The following NEK7 variants were observed in gnomAD, a reference collection of about 807,000 sequenced individuals.
The protein encoded by NEK7 is serine/threonine-protein kinase Nek7.
Under a neutral mutation model 44.6 loss-of-function variants are expected in NEK7, and 18 were observed. The ratio of observed to expected loss-of-function variants is 0.40; its 90% confidence interval spans 0.28 to 0.60. The LOEUF is 0.60. Ranked by LOEUF, NEK7 falls within the 20% of genes least tolerant of loss-of-function variation. The probability of loss-of-function intolerance (pLI) is 0.38; values close to 1 mark genes in which losing one functional copy is unlikely to be tolerated. For synonymous variants in NEK7, 130 were observed against 121.1 expected (o/e 1.07, Z -0.48); for missense variants, 256 against 366.5 (o/e 0.70, Z 2.46).
intron 3 of NEK7, among the ~76,000 whole-genome samples, chr1:198,259,400 A>C (rs1246972090): frequency 2.6e-5 from 4 of 152,158 alleles, no homozygotes; most frequent in African/African-American, 9.7e-5. Context: ...AATTACTGGT[A>C]CTATATGGGC....
intron 2 of NEK7, among the ~76,000 whole-genome samples, chr1:198,233,466 G>A (rs1049654987): frequency 2.0e-5 from 3 of 152,092 alleles, no homozygotes; most frequent in Non-Finnish European, 2.9e-5. Flanking sequence ...ATATTTCTCA[G>A]CTTGGTGTTT....
chr1:198,212,220 A>G (rs948854581), intron 1 of NEK7, among the ~76,000 whole-genome samples: 3 of 152,086 alleles, frequency 2.0e-5, no homozygotes, highest in Non-Finnish European at 4.4e-5. Context: ...GTAACCGATG[A>G]GCAAACGAAA....
chr1:198,157,749 G>A (rs1663957963), intron 1 of NEK7, among the ~76,000 whole-genome samples: 1 of 152,212 alleles, frequency 6.6e-6, no homozygotes, highest in South Asian at 2.1e-4. Flanking sequence ...GAGAGTGGGT[G>A]GTGGGAGCCG....
chr1:198,229,132 T>C (rs534227415), intron 1 of NEK7, among the ~76,000 whole-genome samples: 2 of 152,248 alleles, frequency 1.3e-5, no homozygotes, highest in South Asian at 4.1e-4. Flanking sequence ...GATCATATCT[T>C]TTTTGTCCAG....
intron 2 of NEK7, among the ~76,000 whole-genome samples, chr1:198,247,465 T>G (rs1041681372): frequency 2.0e-5 from 3 of 152,142 alleles, no homozygotes; most frequent in Non-Finnish European, 4.4e-5. Flanking sequence ...AGAATTGAAT[T>G]TGATGGCATT....
chr1:198,272,787 A>G (rs1653895795), intron 5 of NEK7, among the ~76,000 whole-genome samples: 1 of 151,458 alleles, frequency 6.6e-6, no homozygotes, highest in South Asian at 2.1e-4. Context: ...TGATGCATTC[A>G]TGTGTTTTTA....
Position 198,251,726 on chromosome 1 carries a change from C to T in NEK7, c.58-1314C>T, listed in dbSNP as rs1299589911. The stretch of plus-strand genomic sequence containing the variant: ...TCTGTGGGATCGGTGGTGATATCCC[C>T]TTTATCATTTTTTATTGCGTCTATT... On this transcript the variant is annotated intron_variant, in intron 2 of 9. Coordinates refer to ENST00000367385, the MANE Select transcript of NEK7 (RefSeq NM_133494.3). 5.9e-5 allele frequency among the ~76,000 whole-genome samples: 9 copies of T among 151,864 alleles called. No individual in the cohort carries two copies. In the South Asian group the frequency reaches 1.7e-3, roughly 28 times the overall value.
chr1:198,314,409 G>A (rs995792462), intron 9 of NEK7, among the ~76,000 whole-genome samples: 3 of 152,092 alleles, frequency 2.0e-5, no homozygotes, highest in South Asian at 2.1e-4. Context: ...TAATTTGATC[G>A]TCTGAAGTCT....
At chr1:198,235,178 G>A (rs192248040) in intron 2 of NEK7, among the ~76,000 whole-genome samples, 16 of 152,228 alleles carry the variant, frequency 1.1e-4, no homozygotes, top group African/African-American at 2.9e-4. Flanking sequence ...CTGTTATAAT[G>A]ATAAGTGATG....
intron 9 of NEK7, among the ~76,000 whole-genome samples, chr1:198,312,279 G>A (rs1277659109): frequency 7.9e-5 from 12 of 150,998 alleles, no homozygotes; most frequent in African/African-American, 2.7e-4. Flanking sequence ...GGGATCGGTG[G>A]TGATATCCCC....
chr1:198,242,042 G>C (rs1336721579), intron 2 of NEK7, among the ~76,000 whole-genome samples: 1 of 152,084 alleles, frequency 6.6e-6, no homozygotes, highest in Non-Finnish European at 1.5e-5. Flanking sequence ...TCATCTGTGT[G>C]CTTCAGCCAA....
At chr1:198,188,829 G>A (rs1664989349) in intron 1 of NEK7, among the ~76,000 whole-genome samples, 1 of 152,046 alleles carries the variant, frequency 6.6e-6, no homozygotes. Flanking sequence ...ATCCTACTTG[G>A]TGAAGTAGGC....
intron 2 of NEK7, among the ~76,000 whole-genome samples, chr1:198,232,884 A>G (rs1666441089): frequency 6.6e-6 from 1 of 150,514 alleles, no homozygotes; most frequent in African/African-American, 2.4e-5. Flanking sequence ...TGTGTAATAT[A>G]TTATTTATTT....
intron 3 of NEK7, among the ~76,000 whole-genome samples, chr1:198,261,409 G>A (rs1209506075): frequency 1.3e-5 from 2 of 151,864 alleles, no homozygotes; most frequent in African/African-American, 4.8e-5. Context: ...AATACTACCT[G>A]TCTTATAAGA....
At chr1:198,214,869 A>T (rs1019731006) in intron 1 of NEK7, among the ~76,000 whole-genome samples, 1 of 152,186 alleles carries the variant, frequency 6.6e-6, no homozygotes, top group African/African-American at 2.4e-5. Flanking sequence ...TCATCAAGGC[A>T]TATAGTCATT....
intron 1 of NEK7, among the ~76,000 whole-genome samples, chr1:198,186,730 A>AT (rs1664937304): frequency 6.6e-6 from 1 of 152,180 alleles, no homozygotes; most frequent in African/African-American, 2.4e-5. Context: ...CTGAGGAAAA[A>AT]TTCATCCAGT....
chr1:198,227,281 G>A (rs1234711021), intron 1 of NEK7, among the ~76,000 whole-genome samples: 1 of 152,148 alleles, frequency 6.6e-6, no homozygotes, highest in African/African-American at 2.4e-5. Context: ...TTGGGCATTT[G>A]GGTTGGTTCC....
rs564653979 is a variant in NEK7 at position 198,251,031 on chromosome 1, T to G, written c.58-2009T>G. Among the ~76,000 whole-genome samples, 53 of 152,104 alleles carry G rather than the reference T, an allele frequency of 3.5e-4. 1 individual carries two copies. The East Asian group carries it at 8.2e-3, about 23-fold the overall frequency. The stretch of plus-strand genomic sequence containing the variant: ...TGGCTGTGGGTTTGTCATAGATAGC[T>G]CTTATTATTTTGAGATATGTCCCAT... On this transcript the variant is annotated intron_variant, in intron 2 of 9. Transcript: ENST00000367385.
intron 1 of NEK7, among the ~76,000 whole-genome samples, chr1:198,220,040 A>G (rs10737697): frequency 0.34 from 50,840 of 151,402 alleles, 9,782 homozygotes; most frequent in East Asian, 0.8. Flanking sequence ...ACTGGCAAAT[A>G]TTGATTTTTA....
Sources: gnomAD v4.1 joint callset for allele counts (sites outside exome capture counted in the v4.1 genomes callset) on GRCh38, gnomAD v4.1.1 for gene constraint, MANE v1.5 for transcripts, NCBI Gene and HGNC (gene_info 2026-07-23, HGNC 2026-07-21) for gene names.